Variants in GRM8 observed in about 807,000 individuals in gnomAD.
GRM8 encodes glutamate metabotropic receptor 8.
A neutral mutation model predicts 87.2 loss-of-function variants in GRM8; 47 were observed. The ratio of observed to expected loss-of-function variants is 0.54; its 90% CI spans 0.43 to 0.69. GRM8 has a LOEUF of 0.69. Ranked by LOEUF, GRM8 falls within the 30% of genes least tolerant of loss-of-function variation. The pLI, the probability that GRM8 is intolerant of heterozygous loss-of-function variation, is 0.00. For missense variants in GRM8, 1,019 were observed against 1,139.2 expected (o/e 0.89, Z 1.52); for synonymous variants, 396 against 404.5 (o/e 0.98, Z 0.25).
intron 2 of GRM8, among the ~76,000 whole-genome samples, chr7:127,132,398 C>T (rs1267592141): frequency 6.6e-6 from 1 of 152,116 alleles, no homozygotes; most frequent in Non-Finnish European, 1.5e-5. Flanking sequence ...TCCAAGCTTT[C>T]CAAGTCATCC....
intron 9 of GRM8, among the ~76,000 whole-genome samples, chr7:126,522,436 A>G (rs1335934982): frequency 6.6e-6 from 1 of 152,202 alleles, no homozygotes; most frequent in African/African-American, 2.4e-5. Flanking sequence ...ATCCCTAGCA[A>G]ATGAAGTACA....
intron 6 of GRM8, among the ~76,000 whole-genome samples, chr7:126,880,699 C>T (rs1799947603): frequency 6.6e-6 from 1 of 152,168 alleles, no homozygotes; most frequent in Non-Finnish European, 1.5e-5. Context: ...TATTTCATTC[C>T]TTATTTTTCA....
At chr7:127,080,185 A>G (rs1217353786) in intron 3 of GRM8, among the ~76,000 whole-genome samples, 1 of 152,148 alleles carries the variant, frequency 6.6e-6, no homozygotes, top group African/African-American at 2.4e-5. Context: ...TAAATGAGAA[A>G]GGTCATCATA....
At chr7:126,938,375 T>A (rs780004803) in intron 3 of GRM8, among the ~76,000 whole-genome samples, 4 of 152,170 alleles carry the variant, frequency 2.6e-5, no homozygotes, top group Admixed American at 6.5e-5. Flanking sequence ...ACAACATCTA[T>A]GTTGTTTGAA....
intron 9 of GRM8, among the ~76,000 whole-genome samples, chr7:126,481,540 A>G (rs985670221): frequency 6.6e-6 from 1 of 152,180 alleles, no homozygotes; most frequent in South Asian, 2.1e-4. Context: ...TATTTGTGTG[A>G]CAATCTTCCC....
chr7:126,602,670 T>C (rs1323451831), intron 8 of GRM8, among the ~76,000 whole-genome samples: 1 of 150,134 alleles, frequency 6.7e-6, no homozygotes, highest in East Asian at 2.0e-4. Flanking sequence ...GTTGGATTCC[T>C]AGGTATTTTA....
chr7:126,980,141 C>G (rs559227036), intron 3 of GRM8, among the ~76,000 whole-genome samples: 1 of 152,284 alleles, frequency 6.6e-6, no homozygotes, highest in South Asian at 2.1e-4. Context: ...CTTTATCTCC[C>G]ACTTAAGGTC....
chr7:126,745,306 G>T (rs958548960), intron 7 of GRM8, among the ~76,000 whole-genome samples: 1 of 151,226 alleles, frequency 6.6e-6, no homozygotes, highest in Non-Finnish European at 1.5e-5. Flanking sequence ...CTTGCTATAC[G>T]CCAGATATAG....
intron 9 of GRM8, among the ~76,000 whole-genome samples, chr7:126,505,280 C>T (rs965696754): frequency 6.6e-6 from 1 of 152,062 alleles, no homozygotes; most frequent in African/African-American, 2.4e-5. Flanking sequence ...TTAACATGAA[C>T]ACTAATTAGA....
At chr7:126,935,251 A>G (rs1342167185) in intron 3 of GRM8, among the ~76,000 whole-genome samples, 1 of 149,646 alleles carries the variant, frequency 6.7e-6, no homozygotes, top group African/African-American at 2.5e-5. Context: ...TAGGGTACCT[A>G]GGGCTTTAGG....
At chr7:127,197,007 AT>A (rs568197885) in intron 2 of GRM8, among the ~76,000 whole-genome samples, 6 of 152,174 alleles carry the variant, frequency 3.9e-5, no homozygotes, top group Non-Finnish European at 8.8e-5. Context: ...AGCAGCTGGG[AT>A]TACAGGGAGG....
At chr7:127,132,541 T>G (rs531116931) in intron 2 of GRM8, among the ~76,000 whole-genome samples, 44 of 151,886 alleles carry the variant, frequency 2.9e-4, no homozygotes, top group African/African-American at 1.1e-3. Flanking sequence ...AGACAACAAA[T>G]TGACAGGAGC....
intron 9 of GRM8, among the ~76,000 whole-genome samples, chr7:126,459,979 A>G (rs1241166024): frequency 6.6e-6 from 1 of 151,574 alleles, no homozygotes; most frequent in Non-Finnish European, 1.5e-5. Context: ...ATGTCTGCCT[A>G]GATCCTGACA....
intron 2 of GRM8, among the ~76,000 whole-genome samples, chr7:127,132,748 G>A (rs2133230700): frequency 6.6e-6 from 1 of 152,178 alleles, no homozygotes; most frequent in East Asian, 1.9e-4. Context: ...AAGAGCTGAT[G>A]TAATTATGCC....
At chr7:127,203,433 C>T (rs529448488) in intron 2 of GRM8, among the ~76,000 whole-genome samples, 2 of 152,254 alleles carry the variant, frequency 1.3e-5, no homozygotes, top group South Asian at 2.1e-4. Flanking sequence ...TGAGGCCAGG[C>T]GTAGTGGCTC....
intron 3 of GRM8, among the ~76,000 whole-genome samples, chr7:127,089,293 A>G (rs1234803738): frequency 2.0e-5 from 3 of 152,210 alleles, no homozygotes; most frequent in Admixed American, 6.5e-5. Flanking sequence ...CCGAGGAGAG[A>G]AGCATGGAGC....
intron 2 of GRM8, among the ~76,000 whole-genome samples, chr7:127,181,269 C>T (rs1794417947): frequency 6.6e-6 from 1 of 151,926 alleles, no homozygotes; most frequent in South Asian, 2.1e-4. Context: ...AAATAAAATA[C>T]TTAGGAATAC....
At chr7:126,877,010 T>C (rs1022182800) in intron 6 of GRM8, among the ~76,000 whole-genome samples, 1 of 152,154 alleles carries the variant, frequency 6.6e-6, no homozygotes, top group African/African-American at 2.4e-5. Flanking sequence ...AATATTCTTT[T>C]CACCTCTACT....
chr7:126,562,612 T>C (rs774142768), intron 8 of GRM8, among the ~76,000 whole-genome samples: 40 of 152,162 alleles, frequency 2.6e-4, no homozygotes, highest in Non-Finnish European at 4.9e-4. Context: ...TAAGCGAAGG[T>C]TGCCCGGCGT....
Sources: gnomAD v4.1 joint callset for allele counts (sites outside exome capture counted in the v4.1 genomes callset) on GRCh38, gnomAD v4.1.1 for gene constraint, MANE v1.5 for transcripts, NCBI Gene and HGNC (gene_info 2026-07-23, HGNC 2026-07-21) for gene names.